The following MSRA variants were observed in gnomAD, a reference collection of about 807,000 sequenced individuals.
The protein encoded by MSRA is methionine sulfoxide reductase A.
MSRA carries 54 observed loss-of-function variants against 31.3 expected under a neutral mutation model. The observed-to-expected ratio is 1.73, with a 90% CI of 1.39 to 2.17. MSRA has a LOEUF of 2.17. MSRA is among the 30% of genes most tolerant of loss of function. The pLI, the probability that MSRA is intolerant of heterozygous loss-of-function variation, is 0.00. For missense variants in MSRA, 507 were observed against 300.9 expected (o/e 1.69, Z -5.07); for synonymous variants, 169 against 116.5 (o/e 1.45, Z -2.90).
chr8:10,243,053 G>A (rs979505336), intron 2 of MSRA, among the ~76,000 whole-genome samples: 4 of 152,078 alleles, frequency 2.6e-5, no homozygotes, highest in Non-Finnish European at 5.9e-5. Context: ...GCTTGGTTTG[G>A]CCAAGAACAT....
intron 1 of MSRA, among the ~76,000 whole-genome samples, chr8:10,122,558 G>A (rs1455287138): frequency 6.6e-6 from 1 of 151,810 alleles, no homozygotes; most frequent in Non-Finnish European, 1.5e-5. Flanking sequence ...TTTAGGTCAG[G>A]GATACGTGTG....
intron 2 of MSRA, among the ~76,000 whole-genome samples, chr8:10,215,506 G>C (rs1022502102): frequency 1.3e-5 from 2 of 152,236 alleles, no homozygotes; most frequent in Admixed American, 1.3e-4. Flanking sequence ...CCCCGGGAGA[G>C]TGACGCCAAC....
chr8:10,322,884 C>G (rs11775021), intron 5 of MSRA, among the ~76,000 whole-genome samples: 111,888 of 151,926 alleles, frequency 0.74, 41,305 homozygotes, highest in South Asian at 0.83. Flanking sequence ...GAGGTCAGGA[C>G]TTCGAGACCA....
chr8:10,413,681 A>T (rs1433644704), intron 5 of MSRA, among the ~76,000 whole-genome samples: 1 of 150,252 alleles, frequency 6.7e-6, no homozygotes, highest in Non-Finnish European at 1.5e-5. Context: ...AAAAAGAACT[A>T]AGTAGAAATT....
chr8:10,118,376 A>G (rs541193144), intron 1 of MSRA, among the ~76,000 whole-genome samples: 37 of 152,264 alleles, frequency 2.4e-4, no homozygotes, highest in African/African-American at 8.9e-4. Context: ...GGCTCCAACT[A>G]TGTGCAAAGG....
rs751013280 is a variant in MSRA, at chr8:10,319,898, A to C, written c.452A>C (p.Asn151Thr). 16 of 1,558,610 alleles carry C rather than the reference A, an allele frequency of 1.0e-5. No individual in the cohort carries two copies. Among genetic ancestry groups the C allele is most frequent in the Non-Finnish European group, 1.4e-5 (16 of 1,151,202 alleles). ...GCTTTCCTAGGTATGCGCCAGGGGA[A>C]CGACCATGGCACTCAGTACCGCTCG... Reference protein sequence around the residue: ...HDPTQGMRQGNDHGTQYRSAI... With the variant: ...HDPTQGMRQGTDHGTQYRSAI... Residue 151 changes from asparagine (N) to threonine (T), a missense_variant, in exon 5 of 6, where the codon AAC becomes ACC. Transcript: ENST00000317173.
At chr8:10,146,216 T>C (rs2129033699) in intron 1 of MSRA, among the ~76,000 whole-genome samples, 1 of 152,254 alleles carries the variant, frequency 6.6e-6, no homozygotes, top group Admixed American at 6.5e-5. Flanking sequence ...CTTTGGGTTT[T>C]TTTTCCCCTA....
chr8:10,409,438 C>G (rs1172487423), intron 5 of MSRA, among the ~76,000 whole-genome samples: 3 of 152,126 alleles, frequency 2.0e-5, no homozygotes, highest in African/African-American at 7.2e-5. Context: ...ACATGGAATT[C>G]TTTTTAGTTA....
chr8:10,129,660 T>C (rs539387350), intron 1 of MSRA, among the ~76,000 whole-genome samples: 2 of 152,188 alleles, frequency 1.3e-5, no homozygotes, highest in African/African-American at 2.4e-5. Context: ...GGAATGCTGT[T>C]CTTACAGGCT....
intron 1 of MSRA, among the ~76,000 whole-genome samples, chr8:10,099,365 G>A (rs2128931829): frequency 6.6e-6 from 1 of 152,290 alleles, no homozygotes; most frequent in Non-Finnish European, 1.5e-5. Context: ...CAGAGGACTT[G>A]CTCTGTGCCA....
intron 3 of MSRA, among the ~76,000 whole-genome samples, chr8:10,275,618 G>C (rs909730042): frequency 6.6e-6 from 1 of 152,152 alleles, no homozygotes; most frequent in African/African-American, 2.4e-5. Context: ...GATGGAACTA[G>C]GATTCACACC....
At position 10,302,678 on chromosome 8, in the gene MSRA, C is replaced by T. The variant is rs1800911082; in HGVS notation, c.436+1040C>T. On this transcript the variant is annotated intron_variant, in intron 4 of 5. Transcript: ENST00000317173. The stretch of plus-strand genomic sequence containing the variant: ...GGCAAGAGCAGCAAAGTGACAAACT[C>T]GAGCAGGGTGAGGCAGGTTCAGGAT... Among the ~76,000 whole-genome samples the T allele has an allele frequency of 1.3e-5, 2 of 152,138 alleles. 1 individual carries two copies. The highest frequency in any genetic ancestry group is 4.1e-4 in the South Asian group (2 of 4,828).
intron 1 of MSRA, among the ~76,000 whole-genome samples, chr8:10,145,688 G>C (rs1207688766): frequency 6.6e-6 from 1 of 152,174 alleles, no homozygotes; most frequent in African/African-American, 2.4e-5. Context: ...TCCCTGAAAT[G>C]TGTAAGACAT....
chr8:10,408,405 G>T (rs1374627927), intron 5 of MSRA, among the ~76,000 whole-genome samples: 1 of 152,090 alleles, frequency 6.6e-6, no homozygotes, highest in African/African-American at 2.4e-5. Flanking sequence ...AGCCAGGCAT[G>T]GTGGCACATA....
chr8:10,392,678 C>T (rs201768903), intron 5 of MSRA, among the ~76,000 whole-genome samples: 6 of 77,966 alleles, frequency 7.7e-5, no homozygotes, highest in Non-Finnish European at 2.3e-4. Context: ...GGCCTCTCGG[C>T]CCTTTTTTTT....
chr8:10,372,493 G>C (rs535855209), intron 5 of MSRA, among the ~76,000 whole-genome samples: 3 of 152,078 alleles, frequency 2.0e-5, no homozygotes, highest in Non-Finnish European at 2.9e-5. Context: ...CTGTTTTCCC[G>C]ATTTCTAGAT....
intron 1 of MSRA, among the ~76,000 whole-genome samples, chr8:10,159,338 C>A (rs1202261847): frequency 6.6e-6 from 1 of 151,984 alleles, no homozygotes; most frequent in East Asian, 1.9e-4. Context: ...TTTGCATTTA[C>A]TATCAAGAGA....
intron 2 of MSRA, among the ~76,000 whole-genome samples, chr8:10,228,915 G>A (rs1249929989): frequency 2.0e-5 from 3 of 151,964 alleles, no homozygotes; most frequent in South Asian, 2.1e-4. Flanking sequence ...CCTAGAAAAC[G>A]ATACTCAGTT....
At chr8:10,390,031 G>A (rs142991433) in intron 5 of MSRA, among the ~76,000 whole-genome samples, 11 of 152,284 alleles carry the variant, frequency 7.2e-5, no homozygotes, top group Non-Finnish European at 1.0e-4. Flanking sequence ...CCTCACCCGA[G>A]CCCACTCCCC....
Sources: gnomAD v4.1 joint callset for allele counts (sites outside exome capture counted in the v4.1 genomes callset) on GRCh38, gnomAD v4.1.1 for gene constraint, MANE v1.5 for transcripts, NCBI Gene and HGNC (gene_info 2026-07-23, HGNC 2026-07-21) for gene names.